Variants in ZNF555 observed in about 807,000 individuals in gnomAD.
ZNF555 encodes the protein zinc finger protein 555.
Under a neutral mutation model 14.0 loss-of-function variants are expected in ZNF555, and 10 were observed. The observed-to-expected ratio is 0.72, with a 90% CI of 0.44 to 1.21. ZNF555 has a LOEUF of 1.21. Ranked by LOEUF, ZNF555 falls within the 50% of genes most tolerant of loss-of-function variation. The probability of loss-of-function intolerance (pLI) is 0.00; values close to 1 mark genes in which losing one functional copy is unlikely to be tolerated. For missense variants in ZNF555, 747 were observed against 762.0 expected, an observed-to-expected ratio of 0.98 and a Z score of 0.23; for synonymous variants, 277 against 262.4, an observed-to-expected ratio of 1.06 and a Z score of -0.54.
chr19:2,851,325 T>A, intron 2 of ZNF555, 143 bp from the exon 3 acceptor site: 1 of 568,268 alleles, frequency 1.8e-6, no homozygotes, highest in East Asian at 3.3e-5. Context: ...AATTTTTCTA[T>A]GCTTACTAAT....
intron 1 of ZNF555, among the ~76,000 whole-genome samples, chr19:2,842,896 A>G (rs960032211): frequency 6.6e-6 from 1 of 152,162 alleles, no homozygotes; most frequent in Non-Finnish European, 1.5e-5. Flanking sequence ...TACAAAAATT[A>G]GCTGGGCGTG....
chr19:2,859,008 C>T lies in ZNF555; in HGVS notation c.*5056C>T, dbSNP rs1295556921. 1 of 152,384 alleles carries T rather than the reference C, an allele frequency of 6.6e-6. No individual in the cohort carries two copies. 9.4% of individuals were successfully genotyped at this position (152,384 alleles called of 1,614,324 possible). A position where few individuals can be genotyped will look rare whatever the true frequency, so the allele number is the denominator to read the frequency against. On this transcript the variant is annotated 3_prime_UTR_variant, in exon 4 of 4. Transcript: ENST00000334241. ...AGGACGCGTCTTACTAACGCCTCAC[C>T]AGAGCGCATGCGCCCTCCTCAGGAG...
intron 1 of ZNF555, among the ~76,000 whole-genome samples, chr19:2,846,818 A>G (rs994475695): frequency 6.6e-6 from 1 of 152,230 alleles, no homozygotes; most frequent in African/African-American, 2.4e-5. Flanking sequence ...AGTTAAAAAT[A>G]TGCACATGTG....
At chr19:2,844,823 G>A (rs1469096363) in intron 1 of ZNF555, among the ~76,000 whole-genome samples, 2 of 152,268 alleles carry the variant, frequency 1.3e-5, no homozygotes, top group East Asian at 3.8e-4. Context: ...CCACTGCACA[G>A]GTGTCTCTAC....
chr19:2,844,103 T>C lies in ZNF555; in HGVS notation c.3+2528T>C, dbSNP rs1357955775. Among the ~76,000 whole-genome samples, 88 of 149,584 alleles carry C rather than the reference T, an allele frequency of 5.9e-4. 1 individual carries two copies. Among genetic ancestry groups the C allele is most frequent in the African/African-American group, 1.6e-3 (66 of 40,692 alleles). On this transcript the variant is annotated intron_variant, in intron 1 of 3. Coordinates refer to ENST00000334241, the MANE Select transcript of ZNF555 (RefSeq NM_152791.5). Reference sequence around the variant, plus strand: ...CCTTTCTCTCTCTCTCTTTTCTTTTTTTTTTTTTTTTTTTTAAAGAGGGAG... The same window carrying C: ...CCTTTCTCTCTCTCTCTTTTCTTTTCTTTTTTTTTTTTTTTAAAGAGGGAG...
intron 1 of ZNF555, among the ~76,000 whole-genome samples, chr19:2,848,141 T>G (rs926439375): frequency 2.7e-5 from 4 of 148,914 alleles, no homozygotes; most frequent in Non-Finnish European, 4.4e-5. Context: ...CAAACGCTGC[T>G]CTTTGTTTTC....
chr19:2,846,844 A>G (rs981869097), intron 1 of ZNF555, among the ~76,000 whole-genome samples: 12 of 152,130 alleles, frequency 7.9e-5, no homozygotes, highest in African/African-American at 2.4e-4. Context: ...AAAACCATCA[A>G]CTCTTGAGGT....
At position 2,853,969 on chromosome 19, in the gene ZNF555, G is replaced by A. The variant is rs775206427; in HGVS notation, c.*17G>A. 6.8e-6 allele frequency: 11 copies of A among 1,612,588 alleles called. No homozygotes were observed. The East Asian group carries it at 1.3e-4, about 20-fold the overall frequency. ...CCTTTATGAGTTCCTTATCCTGAAA[G>A]TGGACACTCAAGGAGTGTGTCTGTA... On this transcript the variant is annotated 3_prime_UTR_variant, in exon 4 of 4. Coordinates refer to ENST00000334241, the MANE Select transcript of ZNF555 (RefSeq NM_152791.5).
In ZNF555 at chr19:2,851,347, T is replaced by G. The variant is rs60477580; in HGVS notation, c.131-121T>G. The G allele has an allele frequency of 2.2e-3, 1,608 of 745,378 alleles. 19 individuals carry two copies. The African/African-American group carries it at 0.025, about 12-fold the overall frequency. 46.2% of individuals were successfully genotyped at this position (745,378 alleles called of 1,614,324 possible). A position where few individuals can be genotyped will look rare whatever the true frequency, so the allele number is the denominator to read the frequency against. On this transcript the variant is annotated intron_variant, in intron 2 of 3. Transcript: ENST00000334241. ...CTATGCTTACTAATACTGTGTTGATTGAGTTGCTTACCTTTTTGACCATTT... is the reference window on the plus strand; with the variant it reads ...CTATGCTTACTAATACTGTGTTGATGGAGTTGCTTACCTTTTTGACCATTT...
intron 1 of ZNF555, among the ~76,000 whole-genome samples, chr19:2,847,969 T>C (rs1443114379): frequency 1.3e-5 from 2 of 152,060 alleles, no homozygotes; most frequent in Non-Finnish European, 2.9e-5. Context: ...GCACGGAGTG[T>C]CCCCTGCCTC....
chr19:2,853,116 T>C lies in ZNF555; in HGVS notation c.1051T>C (p.Tyr351His). The change falls in exon 4 of 4, where the codon TAT (tyrosine) becomes CAT (histidine). Residue 351 changes from tyrosine (Y) to histidine (H), a missense_variant. Transcript: ENST00000334241. ...CAAACAATGTGGGAAAACCTTCATT[T>C]ATCTCCAGTCCTTTCGAAGACATGA... ...ECKQCGKTFIYLQSFRRHERI... is the reference protein window; with the variant it reads ...ECKQCGKTFIHLQSFRRHERI... The C allele has an allele frequency of 6.2e-7, 1 of 1,614,152 alleles. No homozygotes were observed. The highest frequency in any genetic ancestry group is 1.3e-5 in the African/African-American group (1 of 75,048).
intron 1 of ZNF555, among the ~76,000 whole-genome samples, chr19:2,844,171 T>G (rs1320186890): frequency 6.7e-6 from 1 of 149,660 alleles, no homozygotes; most frequent in Non-Finnish European, 1.5e-5. Context: ...GGCAGGAACT[T>G]GGCTCACTGC....
Position 2,853,695 on chromosome 19 carries a change from G to T in ZNF555, c.1630G>T (p.Val544Phe). 1 of 1,577,894 alleles carries T rather than the reference G, an allele frequency of 6.3e-7. No individual in the cohort carries two copies. Among genetic ancestry groups the T allele is most frequent in the Non-Finnish European group, 8.6e-7 (1 of 1,163,430 alleles). Residue 544 changes from valine (V) to phenylalanine (F), a missense_variant, in exon 4 of 4, where the codon GTC becomes TTC. Transcript: ENST00000334241. ...KPYECKECGKVFKWPSSLPIH... is the reference protein window; with the variant it reads ...KPYECKECGKFFKWPSSLPIH... ...CTATGAATGTAAGGAATGTGGGAAGGTCTTCAAATGGCCATCATCTTTACC... is the reference window on the plus strand; with the variant it reads ...CTATGAATGTAAGGAATGTGGGAAGTTCTTCAAATGGCCATCATCTTTACC...
chr19:2,841,664 C>A, intron 1 of ZNF555, 89 bp downstream of exon 1: 1 of 1,371,578 alleles, frequency 7.3e-7, no homozygotes, highest in South Asian at 1.6e-5. Flanking sequence ...CTGAGGGACG[C>A]GGGGGGCGGC....
Position 2,853,748 on chromosome 19 carries a change from GAA to G in ZNF555, c.1685_1686del (p.Lys562ThrfsTer5). 1 of 1,600,684 alleles carries G rather than the reference GAA, an allele frequency of 6.2e-7. No homozygotes were observed. The highest frequency in any genetic ancestry group is 8.5e-7 in the Non-Finnish European group (1 of 1,173,468). On this transcript the variant is annotated frameshift_variant, in exon 4 of 4. Coordinates refer to ENST00000334241, the MANE Select transcript of ZNF555 (RefSeq NM_152791.5). LOFTEE classifies it low-confidence loss of function (END_TRUNC). ...TACATATGAGACTGCACACTGGAGA[GAA>G]ACCTTATCAATGTAAGCATTGTGGG... ...PIHMRLHTGEKPYQCKHCGKA... is the reference protein window; with the variant it reads ...PIHMRLHTGEXPYQCKHCGKA...
intron 2 of ZNF555, 113 bp from the exon 3 acceptor site, chr19:2,851,355 T>C: frequency 1.2e-6 from 1 of 819,832 alleles, no homozygotes; most frequent in Non-Finnish European, 1.9e-6. Context: ...ATTGAGTTGC[T>C]TACCTTTTTG....
chr19:2,853,544 A>C lies in ZNF555; in HGVS notation c.1479A>C (p.Ile493=), dbSNP rs1385247851. Residue 493 remains isoleucine, a synonymous_variant, in exon 4 of 4, where the codon ATA becomes ATC. Coordinates refer to ENST00000334241, the MANE Select transcript of ZNF555 (RefSeq NM_152791.5). ...GTGGGAAAGCTTTCTATTGCCACAT[A>C]TCCTTACAAAAACATATGAGAAGAC... ...KLCGKAFYCH[I]SLQKHMRRHT... 6.2e-7 allele frequency: 1 copy of C among 1,611,182 alleles called. No individual in the cohort carries two copies. Among genetic ancestry groups the C allele is most frequent in the South Asian group, 1.1e-5 (1 of 90,824 alleles).
In ZNF555 at chr19:2,854,093, A is replaced by G. The variant is rs540223413; in HGVS notation, c.*141A>G. The G allele has an allele frequency of 2.8e-6, 3 of 1,055,180 alleles. No individual in the cohort carries two copies. In the South Asian group the frequency reaches 5.0e-5, roughly 18 times the overall value. 65.4% of individuals were successfully genotyped at this position (1,055,180 alleles called of 1,614,324 possible). On this transcript the variant is annotated 3_prime_UTR_variant, in exon 4 of 4. Transcript: ENST00000334241. ...CAGGTAGTTTCTTACGATTCAGTAA[A>G]TAAAACTTTCATCTTAGAGTGTTTT...
chr19:2,848,037 C>T lies in ZNF555; in HGVS notation c.4-2550C>T, dbSNP rs146259652. Among the ~76,000 whole-genome samples, 271 of 152,292 alleles carry T rather than the reference C, an allele frequency of 1.8e-3. 1 individual carries two copies. Among genetic ancestry groups the T allele is most frequent in the African/African-American group, 5.5e-3 (229 of 41,558 alleles). ...TGGTAATTAACTTTCTTTTCCCTCC[C>T]AATGCAACACAAACTTTTACCATTT... On this transcript the variant is annotated intron_variant, in intron 1 of 3. Transcript: ENST00000334241.
Sources: allele counts gnomAD v4.1 joint callset (sites outside exome capture counted in the v4.1 genomes callset), GRCh38; gene constraint gnomAD v4.1.1; transcripts MANE v1.5; gene names NCBI Gene and HGNC (gene_info 2026-07-23, HGNC 2026-07-21).